CNTNAP2: variants seen among roughly 807,000 people sequenced by gnomAD.
The protein encoded by CNTNAP2 is contactin-associated protein-like 2.
In CNTNAP2, 98 loss-of-function variants were observed where a neutral mutation model predicts 155.2. That is an observed-to-expected ratio of 0.63 (90% CI 0.54 to 0.75). CNTNAP2 has a LOEUF of 0.75. Ranked by LOEUF, CNTNAP2 falls within the 30% of genes least tolerant of loss-of-function variation. The probability of loss-of-function intolerance (pLI) is 0.00; values close to 1 mark genes in which losing one functional copy is unlikely to be tolerated. For missense variants in CNTNAP2, 1,727 were observed against 1,688.1 expected, an observed-to-expected ratio of 1.02 and a Z score of -0.40; for synonymous variants, 651 against 631.2, an observed-to-expected ratio of 1.03 and a Z score of -0.47.
intron 22 of CNTNAP2, among the ~76,000 whole-genome samples, chr7:148,386,524 A>C (rs1799200089): frequency 6.6e-6 from 1 of 152,106 alleles, no homozygotes; most frequent in Non-Finnish European, 1.5e-5. Flanking sequence ...ACAAAAAAAC[A>C]ACAGAAAACA....
chr7:148,022,865 G>A (rs1802309426), intron 15 of CNTNAP2, among the ~76,000 whole-genome samples: 1 of 152,062 alleles, frequency 6.6e-6, no homozygotes, highest in Non-Finnish European at 1.5e-5. Flanking sequence ...TTCGAAGCCC[G>A]ATTATCAGAA....
At chr7:148,044,203 GTATT>G (rs1191708427) in intron 15 of CNTNAP2, among the ~76,000 whole-genome samples, 2 of 106,930 alleles carry the variant, frequency 1.9e-5, no homozygotes, top group East Asian at 7.5e-4. Flanking sequence ...ACCTTAGGTT[GTATT>G]TTTTTTTTTT....
At position 146,124,501 on chromosome 7, in the gene CNTNAP2, G is replaced by A. The variant is rs114305067; in HGVS notation, c.97+7528G>A. ...AATTTCAGCCTAATTATGTCACATA[G>A]TGAAATTATAGCATATTTTATGGGT... On this transcript the variant is annotated intron_variant, in intron 1 of 23. Coordinates refer to ENST00000361727, the MANE Select transcript of CNTNAP2 (RefSeq NM_014141.6). Among the ~76,000 whole-genome samples the A allele has an allele frequency of 5.1e-3, 776 of 152,184 alleles. 1 individual carries two copies. Among genetic ancestry groups the A allele is most frequent in the African/African-American group, 0.017 (724 of 41,538 alleles).
intron 14 of CNTNAP2, among the ~76,000 whole-genome samples, chr7:147,905,759 C>T (rs1312325656): frequency 2.0e-5 from 3 of 152,132 alleles, no homozygotes; most frequent in African/African-American, 7.2e-5. Flanking sequence ...TGGTGGGTGC[C>T]TGTAATTGCA....
chr7:146,785,354 T>G (rs1404814452), intron 2 of CNTNAP2, among the ~76,000 whole-genome samples: 2 of 152,188 alleles, frequency 1.3e-5, no homozygotes, highest in African/African-American at 4.8e-5. Flanking sequence ...TGTGAATGAT[T>G]TCTACCATCA....
chr7:147,197,267 C>T (rs563968495), intron 8 of CNTNAP2, among the ~76,000 whole-genome samples: 2 of 152,194 alleles, frequency 1.3e-5, no homozygotes, highest in African/African-American at 4.8e-5. Context: ...ATGGAAAAAC[C>T]TCTAGGGGGT....
chr7:146,511,102 G>A (rs890648869), intron 1 of CNTNAP2, among the ~76,000 whole-genome samples: 1 of 152,112 alleles, frequency 6.6e-6, no homozygotes, highest in African/African-American at 2.4e-5. Context: ...GTTTCACCAT[G>A]TTAGCCAGGA....
At chr7:147,840,937 T>C (rs1346566886) in intron 13 of CNTNAP2, among the ~76,000 whole-genome samples, 1 of 152,114 alleles carries the variant, frequency 6.6e-6, no homozygotes, top group Non-Finnish European at 1.5e-5. Context: ...AAATTACTTG[T>C]AAAGTTGGTT....
At chr7:147,036,644 A>G (rs2129252207) in intron 3 of CNTNAP2, among the ~76,000 whole-genome samples, 1 of 152,314 alleles carries the variant, frequency 6.6e-6, no homozygotes, top group East Asian at 1.9e-4. Flanking sequence ...AAGTTGTTGT[A>G]AATGGATTTT....
chr7:146,867,379 T>G (rs761289949), intron 3 of CNTNAP2, among the ~76,000 whole-genome samples: 2 of 152,172 alleles, frequency 1.3e-5, no homozygotes. Flanking sequence ...GCATTATATT[T>G]CATGGTGTAT....
chr7:147,126,180 A>G (rs1801230539), intron 6 of CNTNAP2, among the ~76,000 whole-genome samples: 1 of 152,170 alleles, frequency 6.6e-6, no homozygotes, highest in African/African-American at 2.4e-5. Flanking sequence ...CCAGCTGAAA[A>G]GCATTATTTT....
At chr7:147,292,517 A>G (rs1805337007) in intron 8 of CNTNAP2, among the ~76,000 whole-genome samples, 1 of 152,024 alleles carries the variant, frequency 6.6e-6, no homozygotes, top group Admixed American at 6.6e-5. Context: ...TACAAAAACT[A>G]TATTGTTGGG....
chr7:148,263,203 C>T (rs1267341997), intron 20 of CNTNAP2: 2 of 152,188 alleles, frequency 1.3e-5, no homozygotes, highest in African/African-American at 4.8e-5. Flanking sequence ...TTCTGGATAT[C>T]CTCGTCACTT....
chr7:147,124,061 A>G (rs1801183354), intron 6 of CNTNAP2, among the ~76,000 whole-genome samples: 1 of 152,092 alleles, frequency 6.6e-6, no homozygotes, highest in Non-Finnish European at 1.5e-5. Context: ...AACAAAAAAC[A>G]AACAAACACC....
At chr7:148,118,092 C>T (rs58572038) in intron 15 of CNTNAP2, 26 bp from the exon 16 acceptor site, 1 of 1,613,272 alleles carries the variant, frequency 6.2e-7, no homozygotes, top group Admixed American at 1.7e-5. Context: ...GTGAGTTAAC[C>T]TGATTTTTTT....
intron 1 of CNTNAP2, among the ~76,000 whole-genome samples, chr7:146,342,944 C>T (rs1794753772): frequency 6.6e-6 from 1 of 152,226 alleles, no homozygotes; most frequent in Non-Finnish European, 1.5e-5. Flanking sequence ...TTCTCAAGCA[C>T]ACCACACTGT....
At chr7:148,308,662 G>A (rs1224128754) in intron 21 of CNTNAP2, among the ~76,000 whole-genome samples, 2 of 151,858 alleles carry the variant, frequency 1.3e-5, no homozygotes. Flanking sequence ...TGCCATGGTG[G>A]TTTGCTGTAC....
intron 12 of CNTNAP2, among the ~76,000 whole-genome samples, chr7:147,602,580 C>T (rs1289629987): frequency 6.6e-6 from 1 of 150,792 alleles, no homozygotes; most frequent in Non-Finnish European, 1.5e-5. Context: ...TGCTGGTGTG[C>T]TGCACCCATT....
chr7:147,999,149 C>A (rs908837004), intron 15 of CNTNAP2, among the ~76,000 whole-genome samples: 1 of 152,094 alleles, frequency 6.6e-6, no homozygotes, highest in Non-Finnish European at 1.5e-5. Flanking sequence ...GTGGTGCAGT[C>A]TTTGCTCACT....
Sources: allele counts gnomAD v4.1 joint callset (sites outside exome capture counted in the v4.1 genomes callset), GRCh38; gene constraint gnomAD v4.1.1; transcripts MANE v1.5; gene names NCBI Gene and HGNC (gene_info 2026-07-23, HGNC 2026-07-21).